PCDH15: variants seen among roughly 807,000 people sequenced by gnomAD.
PCDH15 encodes the protein protocadherin-15.
Under a neutral mutation model 178.5 loss-of-function variants are expected in PCDH15, and 129 were observed. The observed-to-expected ratio is 0.72, with a 90% CI of 0.63 to 0.84. The LOEUF is 0.84. Among genes scored for constraint, PCDH15 ranks in the 40% least tolerant of loss-of-function variants. The pLI, the probability that PCDH15 is intolerant of heterozygous loss-of-function variation, is 0.00. For synonymous variants in PCDH15, 800 were observed against 732.0 expected, an observed-to-expected ratio of 1.09 and a Z score of -1.50; for missense variants, 2,230 against 2,099.9, an observed-to-expected ratio of 1.06 and a Z score of -1.21.
At chr10:54,018,119 T>C (rs926868121) in intron 20 of PCDH15, among the ~76,000 whole-genome samples, 3 of 152,052 alleles carry the variant, frequency 2.0e-5, no homozygotes, top group African/African-American at 4.8e-5. Flanking sequence ...TTGTAGTCCC[T>C]ATAATATGAG....
At chr10:54,922,006 G>A (rs907352678) in intron 2 of PCDH15, among the ~76,000 whole-genome samples, 1 of 152,160 alleles carries the variant, frequency 6.6e-6, no homozygotes, top group Non-Finnish European at 1.5e-5. Context: ...ATCATGAGAT[G>A]AGCAAGAAGA....
chr10:53,938,673 A>G, intron 25 of PCDH15, 142 bp downstream of exon 25: 1 of 873,418 alleles, frequency 1.1e-6, no homozygotes, highest in South Asian at 1.6e-5. Context: ...AGCTGTTTAA[A>G]CGAATAGGCA....
intron 3 of PCDH15, among the ~76,000 whole-genome samples, chr10:54,811,144 T>TAC (rs2133728798): frequency 6.6e-6 from 1 of 152,038 alleles, no homozygotes; most frequent in South Asian, 2.1e-4. Context: ...TGTATATATA[T>TAC]ATATGTAAAT....
intron 1 of PCDH15, among the ~76,000 whole-genome samples, chr10:54,756,056 A>ACACACACACAC (rs1947047019): frequency 2.2e-3 from 160 of 71,722 alleles, no homozygotes; most frequent in African/African-American, 6.2e-3. Context: ...CTCTACTAAA[A>ACACACACACAC]ACACACACAC....
At chr10:54,601,045 C>T (rs1430984708) in intron 2 of PCDH15, among the ~76,000 whole-genome samples, 1 of 152,014 alleles carries the variant, frequency 6.6e-6, no homozygotes, top group Non-Finnish European at 1.5e-5. Context: ...TTATGTTTAC[C>T]ACACTGGTGC....
chr10:55,445,108 A>G (rs1839286454), intron 2 of PCDH15, among the ~76,000 whole-genome samples: 1 of 152,170 alleles, frequency 6.6e-6, no homozygotes, highest in South Asian at 2.1e-4. Flanking sequence ...AATCATGCCT[A>G]TTGGGATGTC....
intron 2 of PCDH15, among the ~76,000 whole-genome samples, chr10:55,502,020 TA>T (rs1840668217): frequency 1.3e-5 from 2 of 151,816 alleles, no homozygotes; most frequent in Admixed American, 1.3e-4. Flanking sequence ...CAGGTCTTTG[TA>T]ACTATGTGTG....
Position 55,134,239 on chromosome 10 carries a change from C to T in PCDH15, c.-80+32337G>A, listed in dbSNP as rs1336054536. On this transcript the variant is annotated intron_variant, in intron 2 of 5. Transcript: ENST00000458638. ...ACAATTCATTTTTCAACCTTGAAAC[C>T]TTTGGACTGATTTGTCCTTCTTCCT... 3.3e-5 allele frequency among the ~76,000 whole-genome samples: 5 copies of T among 152,224 alleles called. No homozygotes were observed. The South Asian group carries it at 1.0e-3, about 32-fold the overall frequency.
At chr10:54,010,842 CA>C (rs1380103546) in intron 20 of PCDH15, among the ~76,000 whole-genome samples, 1 of 152,184 alleles carries the variant, frequency 6.6e-6, no homozygotes, top group East Asian at 1.9e-4. Flanking sequence ...ACGGAACAGC[CA>C]CCCCATCTCC....
At chr10:54,109,970 C>A (rs185456145) in intron 15 of PCDH15, among the ~76,000 whole-genome samples, 196 of 151,960 alleles carry the variant, frequency 1.3e-3, no homozygotes, top group Non-Finnish European at 1.5e-3. Context: ...AATATATGTA[C>A]CCACAAAAAT....
At position 55,554,314 on chromosome 10, in the gene PCDH15, A is replaced by G. The variant is rs79255589; in HGVS notation, c.-156+73311T>C. On this transcript the variant is annotated intron_variant, in intron 2 of 5. Transcript: ENST00000613346. Reference sequence around the variant, plus strand: ...GGAAGAATAGATGATAAGATGTGTAAAAATAGTCTAGAAAGGTTTTTTAAA... The same window carrying G: ...GGAAGAATAGATGATAAGATGTGTAGAAATAGTCTAGAAAGGTTTTTTAAA... Among the ~76,000 whole-genome samples the G allele has an allele frequency of 5.3e-4, 81 of 152,182 alleles. 2 individuals are homozygous for G. In the East Asian group the frequency reaches 0.01, roughly 19 times the overall value.
intron 2 of PCDH15, among the ~76,000 whole-genome samples, chr10:55,448,492 T>A (rs1839365647): frequency 6.6e-6 from 1 of 152,002 alleles, no homozygotes; most frequent in Non-Finnish European, 1.5e-5. Flanking sequence ...GGCCCGTGAA[T>A]AATTACTGCA....
rs539834655 is a variant in PCDH15 at position 54,939,066 on chromosome 10, T to C, written c.-79-41566A>G. Reference sequence around the variant, plus strand: ...ATGTAAAACAATACATTTATGTTGATTTAAGTCACTGAATTTTTGGTATTT... The same window carrying C: ...ATGTAAAACAATACATTTATGTTGACTTAAGTCACTGAATTTTTGGTATTT... On this transcript the variant is annotated intron_variant, in intron 2 of 5. Transcript: ENST00000458638. 3.0e-4 allele frequency among the ~76,000 whole-genome samples: 46 copies of C among 152,282 alleles called. 1 individual carries two copies. The South Asian group carries it at 8.9e-3, about 30-fold the overall frequency.
intron 8 of PCDH15, among the ~76,000 whole-genome samples, chr10:54,265,416 A>T (rs948973759): frequency 6.6e-6 from 1 of 152,070 alleles, no homozygotes; most frequent in Admixed American, 6.6e-5. Context: ...AATCTCACAT[A>T]TAAAAGTTAA....
rs767526540 is a variant in PCDH15 at position 53,822,445 on chromosome 10, CAGGAGGAGGAGAAGGAGGAGAAATAGG to C, written c.4368-2242_4368-2216del. The C allele has an allele frequency of 5.0e-5, 79 of 1,591,382 alleles. 1 individual carries two copies. In the East Asian group the frequency reaches 9.5e-4, roughly 19 times the overall value. The stretch of plus-strand genomic sequence containing the variant: ...GGAGGAGGAGCAAGAGGAGCAGGAG[CAGGAGGAGGAGAAGGAGGAGAAATAGG>C]AGGAGGAGGGGGAAGGGGACAGGCA... On this transcript the variant is annotated intron_variant, in intron 32 of 37. Coordinates refer to ENST00000644397, the MANE Select transcript of PCDH15 (RefSeq NM_001384140.1).
intron 2 of PCDH15, among the ~76,000 whole-genome samples, chr10:54,993,497 A>G (rs1839561295): frequency 6.6e-6 from 1 of 152,190 alleles, no homozygotes; most frequent in African/African-American, 2.4e-5. Flanking sequence ...GTAGAAATAG[A>G]GGGATCCCTT....
chr10:55,142,599 C>A (rs1290699859), intron 2 of PCDH15, among the ~76,000 whole-genome samples: 1 of 149,666 alleles, frequency 6.7e-6, no homozygotes, highest in Non-Finnish European at 1.5e-5. Flanking sequence ...GCATATACTA[C>A]AGTTATTTTT....
At chr10:55,288,867 T>TTATATATATATATATATATATATATA (rs1457612160) in intron 1 of PCDH15, among the ~76,000 whole-genome samples, 1 of 149,056 alleles carries the variant, frequency 6.7e-6, no homozygotes, top group African/African-American at 2.5e-5. Flanking sequence ...TTCAATTCTA[T>TTATATATATATATATATATATATATA]TAGATATATA....
chr10:54,383,614 CGTGTATGTGTGTTTTTGTGTGTGTGT>C (rs1949516810), intron 3 of PCDH15, among the ~76,000 whole-genome samples: 1 of 73,020 alleles, frequency 1.4e-5, no homozygotes, highest in Non-Finnish European at 2.8e-5. Flanking sequence ...CATACCATGC[CGTGTATGTGTGTTTTTGTGTGTGTGT>C]GTGTGTGTGT....
Sources: gnomAD v4.1 joint callset for allele counts (sites outside exome capture counted in the v4.1 genomes callset) on GRCh38, gnomAD v4.1.1 for gene constraint, MANE v1.5 for transcripts, NCBI Gene and HGNC (gene_info 2026-07-23, HGNC 2026-07-21) for gene names.